Variants in MYO3A observed in about 807,000 individuals in gnomAD.
The protein encoded by MYO3A is myosin-IIIa.
In MYO3A, 180 loss-of-function variants were observed where a neutral mutation model predicts 192.7. That is an observed-to-expected ratio of 0.93 (90% confidence interval 0.83 to 1.06). The LOEUF is 1.06. MYO3A is among the 50% of genes least tolerant of loss of function. The probability of loss-of-function intolerance (pLI) is 0.00; values close to 1 mark genes in which losing one functional copy is unlikely to be tolerated. For synonymous variants in MYO3A, 628 were observed against 645.3 expected (o/e 0.97, Z 0.41); for missense variants, 1,896 against 1,905.0 (o/e 1.00, Z 0.09).
intron 26 of MYO3A, among the ~76,000 whole-genome samples, chr10:26,164,459 G>A (rs1331228205): frequency 6.6e-6 from 1 of 152,176 alleles, no homozygotes; most frequent in Non-Finnish European, 1.5e-5. Flanking sequence ...TGTGTGTCTG[G>A]TGGCTTCCAG....
At chr10:26,055,006 C>G (rs1162828370) in intron 10 of MYO3A, among the ~76,000 whole-genome samples, 1 of 152,174 alleles carries the variant, frequency 6.6e-6, no homozygotes, top group Non-Finnish European at 1.5e-5. Context: ...TGCCCTGTGC[C>G]CTGGAAAGCT....
chr10:25,953,818 C>A (rs931579431), intron 3 of MYO3A, among the ~76,000 whole-genome samples: 3 of 152,032 alleles, frequency 2.0e-5, no homozygotes, highest in Admixed American at 2.0e-4. Context: ...TCATTCTTGT[C>A]ACAGTACATA....
intron 4 of MYO3A, among the ~76,000 whole-genome samples, chr10:25,991,875 C>G (rs1840055554): frequency 6.6e-6 from 1 of 152,028 alleles, no homozygotes; most frequent in Non-Finnish European, 1.5e-5. Context: ...TGGTCTATAT[C>G]TCTGTTTTGG....
At chr10:26,003,807 G>GTA (rs1434942180) in intron 6 of MYO3A, among the ~76,000 whole-genome samples, 1 of 152,106 alleles carries the variant, frequency 6.6e-6, no homozygotes, top group Non-Finnish European at 1.5e-5. Context: ...CAATACAAAA[G>GTA]TACAGAATGT....
intron 30 of MYO3A, 112 bp from the exon 31 acceptor site, chr10:26,176,589 G>T: frequency 1.1e-6 from 1 of 950,926 alleles, no homozygotes; most frequent in Non-Finnish European, 1.6e-6. Context: ...GCCCTGGAGA[G>T]GAACATGAGA....
At chr10:26,199,758 T>C (rs1221882518) in intron 32 of MYO3A, among the ~76,000 whole-genome samples, 1 of 152,040 alleles carries the variant, frequency 6.6e-6, no homozygotes, top group Non-Finnish European at 1.5e-5. Flanking sequence ...GAACATTATT[T>C]GATTCTTGGT....
chr10:25,980,257 A>G (rs1839241031), intron 4 of MYO3A, among the ~76,000 whole-genome samples: 1 of 151,772 alleles, frequency 6.6e-6, no homozygotes, highest in African/African-American at 2.4e-5. Flanking sequence ...AAAAAGCAAA[A>G]AACCCCACAT....
chr10:25,970,707 A>G (rs1048272070), intron 4 of MYO3A, among the ~76,000 whole-genome samples: 9 of 152,046 alleles, frequency 5.9e-5, no homozygotes, highest in African/African-American at 2.2e-4. Flanking sequence ...AAAGTAAGAA[A>G]ATACATATTA....
rs562384478 is a variant in MYO3A at position 26,211,864 on chromosome 10, C to G, written c.4752C>G (p.Pro1584=). Residue 1584 remains proline, a synonymous_variant, in exon 35 of 35, where the codon CCC becomes CCG. Transcript: ENST00000642920. ...ANERCWAAES[P]EKEEEREPAA... Reference sequence around the variant, plus strand: ...GCAGGTGCTGGGCGGCGGAGAGCCCCGAGAAGGAGGAGGAGAGAGAGCCAG... The same window carrying G: ...GCAGGTGCTGGGCGGCGGAGAGCCCGGAGAAGGAGGAGGAGAGAGAGCCAG... The G allele has an allele frequency of 5.6e-6, 9 of 1,614,044 alleles. No individual in the cohort carries two copies. The Admixed American group carries it at 1.0e-4, about 18-fold the overall frequency.
chr10:26,074,515 G>A (rs1835406446), intron 14 of MYO3A, among the ~76,000 whole-genome samples: 1 of 150,480 alleles, frequency 6.6e-6, no homozygotes, highest in Admixed American at 6.6e-5. Flanking sequence ...CTTAGTGTCT[G>A]TTCATGCACC....
intron 20 of MYO3A, among the ~76,000 whole-genome samples, chr10:26,139,852 G>A (rs972140025): frequency 5.3e-5 from 8 of 152,130 alleles, no homozygotes; most frequent in South Asian, 2.1e-4. Context: ...AGATCATGCC[G>A]CTGCACACCA....
intron 27 of MYO3A, among the ~76,000 whole-genome samples, chr10:26,167,510 GT>G (rs1353732158): frequency 1.3e-5 from 2 of 152,114 alleles, no homozygotes; most frequent in Non-Finnish European, 2.9e-5. Context: ...GTTTTAACTT[GT>G]AAAAAGGCCT....
chr10:25,948,329 A>G (rs1836991537), intron 2 of MYO3A, among the ~76,000 whole-genome samples: 1 of 152,202 alleles, frequency 6.6e-6, no homozygotes, highest in African/African-American at 2.4e-5. Context: ...TTGTATTATG[A>G]TCAACTTTTC....
chr10:26,086,040 G>A (rs1355008183), intron 14 of MYO3A, among the ~76,000 whole-genome samples: 1 of 152,034 alleles, frequency 6.6e-6, no homozygotes, highest in East Asian at 1.9e-4. Flanking sequence ...TGCAGGTAGG[G>A]GGAGGCTTGA....
intron 14 of MYO3A, among the ~76,000 whole-genome samples, chr10:26,081,140 C>CG (rs1835918513): frequency 4.9e-5 from 5 of 101,894 alleles, no homozygotes; most frequent in Admixed American, 3.5e-4. Flanking sequence ...CCTTCCCCCC[C>CG]CCCCCGCCCC....
At position 26,068,634 on chromosome 10, in the gene MYO3A, T is replaced by C. The variant is rs1026858521; in HGVS notation, c.1054-134T>C. ...GTTGCAGAGCTGATGTTACATGTTTTTTACTATCAGTGTGTCTGTTTTTCT... is the reference window on the plus strand; with the variant it reads ...GTTGCAGAGCTGATGTTACATGTTTCTTACTATCAGTGTGTCTGTTTTTCT... On this transcript the variant is annotated intron_variant, in intron 11 of 34. Transcript: ENST00000642920. The C allele has an allele frequency of 5.2e-6, 3 of 572,828 alleles. No individual in the cohort carries two copies. In the African/African-American group the frequency reaches 5.6e-5, roughly 11 times the overall value. 35.5% of individuals were successfully genotyped at this position (572,828 alleles called of 1,614,324 possible).
chr10:26,130,745 G>A (rs1250884007), intron 20 of MYO3A, among the ~76,000 whole-genome samples: 3 of 152,194 alleles, frequency 2.0e-5, no homozygotes, highest in Non-Finnish European at 4.4e-5. Context: ...TTATCCAGAA[G>A]ATACAGAATT....
At chr10:26,041,919 G>T (rs990377572) in intron 10 of MYO3A, among the ~76,000 whole-genome samples, 6 of 151,960 alleles carry the variant, frequency 3.9e-5, no homozygotes, top group Non-Finnish European at 1.5e-5. Context: ...AGCAAATTTT[G>T]TACCTTAAAA....
intron 28 of MYO3A, among the ~76,000 whole-genome samples, chr10:26,169,819 C>G (rs1453112999): frequency 6.6e-6 from 1 of 152,152 alleles, no homozygotes; most frequent in Non-Finnish European, 1.5e-5. Context: ...ATTTATAAAG[C>G]TCTGATAAAA....
Sources: gnomAD v4.1 joint callset for allele counts (sites outside exome capture counted in the v4.1 genomes callset) on GRCh38, gnomAD v4.1.1 for gene constraint, MANE v1.5 for transcripts, NCBI Gene and HGNC (gene_info 2026-07-23, HGNC 2026-07-21) for gene names.